Variants in FAM53B observed in about 807,000 individuals in gnomAD.
The protein encoded by FAM53B is family with sequence similarity 53 member B.
FAM53B carries 12 observed loss-of-function variants against 32.7 expected under a neutral mutation model. That is an observed-to-expected ratio of 0.37 (90% CI 0.24 to 0.59). The LOEUF (loss-of-function observed/expected upper bound fraction) is 0.59, where lower values mean the gene tolerates loss of function less well. Among genes scored for constraint, FAM53B ranks in the 20% least tolerant of loss-of-function variants. The pLI is 0.72. For missense variants in FAM53B, 477 were observed against 577.7 expected (o/e 0.83, Z 1.79); for synonymous variants, 234 against 228.7 (o/e 1.02, Z -0.21).
At chr10:124,680,726 A>C (rs1250170594) in intron 4 of FAM53B, among the ~76,000 whole-genome samples, 1 of 152,220 alleles carries the variant, frequency 6.6e-6, no homozygotes, top group African/African-American at 2.4e-5. Flanking sequence ...TATATAAATA[A>C]GTCCAGAAAA....
chr10:124,708,955 TC>T (rs1260927559), intron 1 of FAM53B, among the ~76,000 whole-genome samples: 5 of 152,244 alleles, frequency 3.3e-5, no homozygotes, highest in Non-Finnish European at 7.3e-5. Flanking sequence ...AGCCTCAGTT[TC>T]CCTCTCTGTA....
At chr10:124,636,642 C>A (rs560622398) in intron 4 of FAM53B, among the ~76,000 whole-genome samples, 42 of 149,002 alleles carry the variant, frequency 2.8e-4, no homozygotes, top group African/African-American at 9.5e-4. Flanking sequence ...CTGTCTTGTC[C>A]ACAGAGGCCC....
chr10:124,643,308 T>C (rs1485323753), intron 4 of FAM53B, among the ~76,000 whole-genome samples: 2 of 152,266 alleles, frequency 1.3e-5, no homozygotes, highest in Non-Finnish European at 2.9e-5. Context: ...TCTGTGAGGC[T>C]GGGCTGTGGG....
At chr10:124,711,407 C>A (rs543963984) in intron 1 of FAM53B, among the ~76,000 whole-genome samples, 1 of 151,922 alleles carries the variant, frequency 6.6e-6, no homozygotes, top group Non-Finnish European at 1.5e-5. Flanking sequence ...TGACTGTATC[C>A]GTGACAATTT....
rs79363634 is a variant in FAM53B, at chr10:124,662,461, CCCATCCATCCATCCATCCATCCATCCAT to C, written c.906+19118_906+19145del. Among the ~76,000 whole-genome samples the C allele has an allele frequency of 3.8e-3, 452 of 119,894 alleles. 5 individuals are homozygous for C. Among genetic ancestry groups the C allele is most frequent in the East Asian group, 0.017 (59 of 3,546 alleles). The allele number at this position is 119,894 out of a possible 152,430, so 78.7% of individuals were successfully genotyped here. On this transcript the variant is annotated intron_variant, in intron 4 of 4. Transcript: ENST00000337318. ...ATCCACCCACCCACACACCCACCCA[CCCATCCATCCATCCATCCATCCATCCAT>C]CCATCCATCCATCCATCCATCCATG... is the stretch of plus-strand genomic sequence containing the variant.
intron 4 of FAM53B, among the ~76,000 whole-genome samples, chr10:124,671,615 G>A (rs1949707401): frequency 6.6e-6 from 1 of 152,210 alleles, no homozygotes; most frequent in African/African-American, 2.4e-5. Context: ...TACTCCATGA[G>A]GAGTAAATGC....
chr10:124,642,046 C>T (rs938754597), intron 4 of FAM53B, among the ~76,000 whole-genome samples: 2 of 152,204 alleles, frequency 1.3e-5, no homozygotes, highest in African/African-American at 2.4e-5. Flanking sequence ...CGTGCATACA[C>T]GTGTGCATAC....
chr10:124,641,202 C>T (rs1294062591), intron 4 of FAM53B, among the ~76,000 whole-genome samples: 2 of 152,224 alleles, frequency 1.3e-5, no homozygotes, highest in African/African-American at 4.8e-5. Context: ...TCACACGTCA[C>T]ACACATACCT....
At chr10:124,654,756 G>A (rs1439446627) in intron 4 of FAM53B, among the ~76,000 whole-genome samples, 1 of 152,138 alleles carries the variant, frequency 6.6e-6, no homozygotes, top group African/African-American at 2.4e-5. Context: ...CCTTCCTGAG[G>A]CCTGGGACCT....
chr10:124,724,370 C>T (rs1251956630), intron 1 of FAM53B, among the ~76,000 whole-genome samples: 3 of 152,182 alleles, frequency 2.0e-5, no homozygotes, highest in African/African-American at 2.4e-5. Context: ...GCCACAACAT[C>T]GGCCAGTGCC....
intron 4 of FAM53B, 156 bp from the exon 5 acceptor site, chr10:124,623,760 G>A (rs1391520791): frequency 9.4e-6 from 7 of 743,752 alleles, no homozygotes; most frequent in African/African-American, 3.6e-5. Flanking sequence ...CATGAGCAAC[G>A]TACTCATGAA....
At chr10:124,625,361 A>G (rs1949340018) in intron 4 of FAM53B, among the ~76,000 whole-genome samples, 1 of 152,208 alleles carries the variant, frequency 6.6e-6, no homozygotes, top group Non-Finnish European at 1.5e-5. Flanking sequence ...GGAACTCAGG[A>G]GAGTGGCAGG....
chr10:124,708,304 T>C (rs553743872), intron 1 of FAM53B, among the ~76,000 whole-genome samples: 1 of 152,376 alleles, frequency 6.6e-6, no homozygotes, highest in African/African-American at 2.4e-5. Flanking sequence ...TGGGTGTTAC[T>C]GAAATTGCTC....
chr10:124,739,050 AAAAAAAC>A (rs1244181305), intron 1 of FAM53B, among the ~76,000 whole-genome samples: 80 of 150,118 alleles, frequency 5.3e-4, no homozygotes, highest in African/African-American at 1.8e-3. Flanking sequence ...AAACAAAAAA[AAAAAAAC>A]AAAAAACAAA....
chr10:124,628,636 CA>C (rs1354666823), intron 4 of FAM53B, among the ~76,000 whole-genome samples: 9 of 152,224 alleles, frequency 5.9e-5, no homozygotes, highest in Non-Finnish European at 1.2e-4. Flanking sequence ...GTCCCAAACC[CA>C]CAGCAGTGCC....
chr10:124,645,952 G>A (rs1202853384), intron 4 of FAM53B, among the ~76,000 whole-genome samples: 2 of 152,164 alleles, frequency 1.3e-5, no homozygotes, highest in South Asian at 2.1e-4. Context: ...CACCGAGAAG[G>A]TGCGTCTCCT....
In FAM53B at chr10:124,623,554, G is replaced by A. The variant is rs1305822935; in HGVS notation, c.957C>T (p.Asp319=). The change falls in exon 5 of 5, where the codon GAC becomes GAT. Residue 319 remains aspartate, a synonymous_variant. Transcript: ENST00000337318. ...SLSCLSAGTE[D]CGPQSPFARH... ...GGGCGAAGGGGCTCTGGGGACCGCA[G>A]TCCTCTGTCCCTGCGCTCAGGCAGC... 3 of 1,593,658 alleles carry A rather than the reference G, an allele frequency of 1.9e-6. No homozygotes were observed. Among genetic ancestry groups the A allele is most frequent in the Non-Finnish European group, 2.6e-6 (3 of 1,171,466 alleles).
rs571480650 is a variant in FAM53B at position 124,685,594 on chromosome 10, T to C, written c.134-3215A>G. Among the ~76,000 whole-genome samples the C allele has an allele frequency of 2.0e-5, 3 of 152,330 alleles. No homozygotes were observed. The South Asian group carries it at 6.2e-4, about 32-fold the overall frequency. On this transcript the variant is annotated intron_variant, in intron 3 of 4. Transcript: ENST00000337318. ...AGCCTGAGACATACTACAGACTGCG[T>C]CTCCGCCAGGCCTCGGGGAAACCCG... is the stretch of plus-strand genomic sequence containing the variant.
intron 1 of FAM53B, among the ~76,000 whole-genome samples, chr10:124,730,583 T>C (rs920868285): frequency 6.6e-6 from 1 of 152,190 alleles, no homozygotes; most frequent in Non-Finnish European, 1.5e-5. Flanking sequence ...CAGATTTGGA[T>C]TCTCCCCACA....
Sources: gnomAD v4.1 joint callset for allele counts (sites outside exome capture counted in the v4.1 genomes callset) on GRCh38, gnomAD v4.1.1 for gene constraint, MANE v1.5 for transcripts, NCBI Gene and HGNC (gene_info 2026-07-23, HGNC 2026-07-21) for gene names.